The following PCLO variants were observed in gnomAD, a reference collection of about 807,000 sequenced individuals.
The protein encoded by PCLO is piccolo presynaptic cytomatrix protein.
In PCLO, 82 loss-of-function variants were observed where a neutral mutation model predicts 427.5. The ratio of observed to expected loss-of-function variants is 0.19; its 90% CI spans 0.16 to 0.23. The LOEUF (loss-of-function observed/expected upper bound fraction) is 0.23. Ranked by LOEUF, PCLO falls within the 10% of genes least tolerant of loss-of-function variation. The pLI, the probability that PCLO is intolerant of heterozygous loss-of-function variation, is 1.00. For synonymous variants in PCLO, 2,357 were observed against 2,155.4 expected, an observed-to-expected ratio of 1.09 and a Z score of -2.59; for missense variants, 6,239 against 6,115.9, an observed-to-expected ratio of 1.02 and a Z score of -0.67.
intron 3 of PCLO, among the ~76,000 whole-genome samples, chr7:83,109,360 T>C (rs1295476561): frequency 2.0e-5 from 3 of 152,226 alleles, no homozygotes; most frequent in Middle Eastern, 3.4e-3. Context: ...CATGATGGAG[T>C]TGGGAAGTGA....
Position 82,951,352 on chromosome 7 carries a change from C to T in PCLO, c.9236G>A (p.Gly3079Glu), listed in dbSNP as rs750982040. 1 of 1,608,152 alleles carries T rather than the reference C, an allele frequency of 6.2e-7. No individual in the cohort carries two copies. The highest frequency in any genetic ancestry group is 8.5e-7 in the Non-Finnish European group (1 of 1,177,106). Residue 3079 changes from glycine to glutamate, a missense_variant, in exon 6 of 25, where the codon GGG becomes GAG. Gly to Glu is a moderately conservative substitution (Grantham distance 98). Coordinates refer to ENST00000333891, the MANE Select transcript of PCLO (RefSeq NM_033026.6). ...TPPPGPQYCV[G>E]SVLRSSNGVV... ...ACCATTAGATGACCTCAAAACACTC[C>T]CCACACAATACTGGGGTCCTGGTGG...
chr7:82,772,330 A>G (rs909646211), intron 22 of PCLO, among the ~76,000 whole-genome samples: 10 of 152,112 alleles, frequency 6.6e-5, no homozygotes, highest in African/African-American at 2.4e-4. Flanking sequence ...CCCAAAATAA[A>G]TGATTGTCAA....
chr7:82,824,809 C>G (rs1399934070), intron 18 of PCLO, among the ~76,000 whole-genome samples: 1 of 151,508 alleles, frequency 6.6e-6, no homozygotes, highest in African/African-American at 2.4e-5. Context: ...ATTAGCTGGG[C>G]GTGGTGGCGG....
chr7:83,161,338 T>C (rs1584105098), intron 1 of PCLO, among the ~76,000 whole-genome samples: 1 of 152,292 alleles, frequency 6.6e-6, no homozygotes, highest in East Asian at 1.9e-4. Flanking sequence ...TTGCCTTCAG[T>C]TGTCATAAAA....
intron 3 of PCLO, among the ~76,000 whole-genome samples, chr7:82,984,216 C>A (rs1239504193): frequency 6.6e-6 from 1 of 151,964 alleles, no homozygotes; most frequent in Non-Finnish European, 1.5e-5. Flanking sequence ...TTTTCTTTCA[C>A]TTTCCAAGAG....
intron 3 of PCLO, among the ~76,000 whole-genome samples, chr7:83,103,919 A>G (rs1404965562): frequency 6.6e-6 from 1 of 151,986 alleles, no homozygotes; most frequent in Non-Finnish European, 1.5e-5. Context: ...TAAAATTACA[A>G]TTTCAGAAAT....
chr7:83,065,687 T>G (rs985254183), intron 3 of PCLO, among the ~76,000 whole-genome samples: 2 of 151,988 alleles, frequency 1.3e-5, no homozygotes, highest in Admixed American at 1.3e-4. Flanking sequence ...TGGCCAGAAA[T>G]AAATAACACT....
intron 14 of PCLO, among the ~76,000 whole-genome samples, chr7:82,839,172 T>G (rs1005270544): frequency 6.6e-6 from 1 of 152,046 alleles, no homozygotes; most frequent in African/African-American, 2.4e-5. Flanking sequence ...TGTTAAATAA[T>G]AGAGTGGAAG....
At chr7:83,041,692 C>T (rs1325744964) in intron 3 of PCLO, among the ~76,000 whole-genome samples, 1 of 152,130 alleles carries the variant, frequency 6.6e-6, no homozygotes, top group African/African-American at 2.4e-5. Flanking sequence ...AAGAACATGA[C>T]ATTCCAATAT....
chr7:82,966,464 A>G lies in PCLO; in HGVS notation c.3324T>C (p.Asn1108=). The G allele has an allele frequency of 6.3e-7, 1 of 1,581,686 alleles. No homozygotes were observed. Among genetic ancestry groups the G allele is most frequent in the Non-Finnish European group, 8.6e-7 (1 of 1,168,402 alleles). Residue 1108 remains asparagine, a synonymous_variant, in exon 4 of 25, where the codon AAT becomes AAC. Coordinates refer to ENST00000333891, the MANE Select transcript of PCLO (RefSeq NM_033026.6). The part of the protein sequence containing the change: ...LTEIQEWLCL[N]CQTQRAISGQ... ...CTGATATTGCTCTCTGGGTTTGGCA[A>G]TTTAAACAAAGCCATTCTTGAATCT...
At chr7:82,961,962 C>T (rs1280995866) in intron 4 of PCLO, among the ~76,000 whole-genome samples, 2 of 152,176 alleles carry the variant, frequency 1.3e-5, no homozygotes, top group African/African-American at 4.8e-5. Context: ...TACACACATG[C>T]ACTCACAAGA....
At chr7:82,820,516 C>CCCA (rs1791766060) in intron 20 of PCLO, 1 of 1,221,560 alleles carries the variant, frequency 8.2e-7, no homozygotes, top group African/African-American at 1.6e-5. Context: ...ATTACACAGG[C>CCCA]ACTTGGAGAT....
At chr7:82,775,350 C>T (rs779179831) in intron 22 of PCLO, among the ~76,000 whole-genome samples, 1 of 152,150 alleles carries the variant, frequency 6.6e-6, no homozygotes. Context: ...TTTGCATTCC[C>T]ACTGGCAACG....
chr7:82,835,125 T>A (rs1242074255), intron 16 of PCLO, among the ~76,000 whole-genome samples: 2 of 152,066 alleles, frequency 1.3e-5, no homozygotes, highest in African/African-American at 4.8e-5. Flanking sequence ...TTTGTGTTTT[T>A]AGTAGAGACG....
chr7:82,985,198 A>G (rs1489626261), intron 3 of PCLO, among the ~76,000 whole-genome samples: 1 of 152,020 alleles, frequency 6.6e-6, no homozygotes, highest in African/African-American at 2.4e-5. Flanking sequence ...TCAATCCATG[A>G]AAAGCAATTA....
chr7:82,847,291 C>G (rs1282097224), intron 10 of PCLO, 44 bp from the exon 11 acceptor site: 2 of 1,098,718 alleles, frequency 1.8e-6, no homozygotes, highest in Non-Finnish European at 2.7e-6. Context: ...TGTGCTATCT[C>G]TAGTCTGGGT....
rs1161675732 is a variant in PCLO, at chr7:82,822,539, A to C, written c.14747T>G (p.Ile4916Arg). 5 of 1,613,916 alleles carry C rather than the reference A, an allele frequency of 3.1e-6. No homozygotes were observed. The highest frequency in any genetic ancestry group is 4.2e-6 in the Non-Finnish European group (5 of 1,179,858). Residue 4916 changes from isoleucine (I) to arginine (R), a missense_variant, in exon 20 of 25, where the codon ATA becomes AGA. Physicochemically the swap from Ile to Arg is moderately conservative, Grantham distance 97 (BLOSUM62 -3). This residue lies in a region of PCLO where 877 missense variants were observed against 925.5 expected (regional missense o/e 0.95). Coordinates refer to ENST00000333891, the MANE Select transcript of PCLO (RefSeq NM_033026.6). ...QTHLEDAGAA[I>R]AAAEAAVQQL... ...TTGCACGGCAGCTTCGGCAGCAGCT[A>C]TGGCAGCCCCTGCATCTTCCAGGTG...
intron 6 of PCLO, among the ~76,000 whole-genome samples, chr7:82,937,749 G>T (rs1794991387): frequency 6.6e-6 from 1 of 151,656 alleles, no homozygotes; most frequent in Non-Finnish European, 1.5e-5. Context: ...TCAATTGCAA[G>T]CAATTAGCCA....
intron 10 of PCLO, among the ~76,000 whole-genome samples, chr7:82,854,795 A>G (rs1792759874): frequency 6.6e-6 from 1 of 152,176 alleles, no homozygotes; most frequent in Non-Finnish European, 1.5e-5. Context: ...TTGGGATGTG[A>G]TCTTGGACAA....
Sources: gnomAD v4.1 joint callset for allele counts (sites outside exome capture counted in the v4.1 genomes callset) on GRCh38, gnomAD v4.1.1 for gene constraint, gnomAD v4.1.1 regional missense constraint, MANE v1.5 for transcripts, NCBI Gene and HGNC (gene_info 2026-07-23, HGNC 2026-07-21) for gene names.